The following NTM variants were observed in gnomAD, a reference collection of about 807,000 sequenced individuals.
NTM encodes neurotrimin.
NTM carries 13 observed loss-of-function variants against 42.1 expected under a neutral mutation model. That is an observed-to-expected ratio of 0.31 (90% confidence interval 0.20 to 0.49). The LOEUF is 0.49. Ranked by LOEUF, NTM falls within the 20% of genes least tolerant of loss-of-function variation. The pLI is 0.99. For synonymous variants in NTM, 187 were observed against 179.2 expected (o/e 1.04, Z -0.35); for missense variants, 373 against 452.8 (o/e 0.82, Z 1.60).
At chr11:131,661,083 G>T (rs769159261) in intron 1 of NTM, 5 of 1,280,958 alleles carry the variant, frequency 3.9e-6, no homozygotes, top group Non-Finnish European at 5.2e-6. Flanking sequence ...CTTTTGCACA[G>T]ACTGGTGGGG....
chr11:131,524,655 G>A (rs180721722), intron 1 of NTM, among the ~76,000 whole-genome samples: 28 of 152,366 alleles, frequency 1.8e-4, no homozygotes, highest in Admixed American at 8.5e-4. Flanking sequence ...GCCTGAGTCT[G>A]AGACTGGGTT....
rs374535503 is a variant in NTM at position 131,607,640 on chromosome 11, G to T, written c.82+236752G>T. On this transcript the variant is annotated intron_variant, in intron 1 of 8. Transcript: ENST00000683400. ...CTGTAATGAACACTAGTTGCAAAATGCTAGACCAGCTGTGTGAACCCTCCA... is the reference window on the plus strand; with the variant it reads ...CTGTAATGAACACTAGTTGCAAAATTCTAGACCAGCTGTGTGAACCCTCCA... 2.0e-3 allele frequency among the ~76,000 whole-genome samples: 304 copies of T among 152,264 alleles called. 1 individual carries two copies. Among genetic ancestry groups the T allele is most frequent in the African/African-American group, 7.0e-3 (292 of 41,548 alleles).
chr11:131,721,608 C>T (rs573929736), intron 1 of NTM, among the ~76,000 whole-genome samples: 1 of 152,230 alleles, frequency 6.6e-6, no homozygotes, highest in East Asian at 1.9e-4. Context: ...TGAATTTGGT[C>T]AAGTTACTTA....
At chr11:131,420,546 T>G (rs1446498595) in intron 1 of NTM, among the ~76,000 whole-genome samples, 1 of 152,206 alleles carries the variant, frequency 6.6e-6, no homozygotes, top group Admixed American at 6.5e-5. Flanking sequence ...ACAGCAATGC[T>G]GAGTACATTG....
At chr11:131,511,284 C>T (rs2048204756) in intron 1 of NTM, among the ~76,000 whole-genome samples, 1 of 152,146 alleles carries the variant, frequency 6.6e-6, no homozygotes, top group African/African-American at 2.4e-5. Flanking sequence ...CCCCTCAGGC[C>T]CCAGCCAGGC....
At chr11:132,160,528 T>A (rs923015090) in intron 3 of NTM, among the ~76,000 whole-genome samples, 7 of 152,142 alleles carry the variant, frequency 4.6e-5, no homozygotes, top group African/African-American at 1.7e-4. Context: ...TCCATGAACA[T>A]CTACTATGAG....
intron 1 of NTM, among the ~76,000 whole-genome samples, chr11:131,866,427 C>T (rs482973): frequency 6.6e-6 from 1 of 152,236 alleles, no homozygotes; most frequent in Non-Finnish European, 1.5e-5. Context: ...GGAACAAACC[C>T]AAGGGCAGGC....
chr11:131,406,259 T>A (rs747953380), intron 1 of NTM, among the ~76,000 whole-genome samples: 12 of 152,218 alleles, frequency 7.9e-5, no homozygotes, highest in African/African-American at 2.9e-4. Flanking sequence ...GATATATGAA[T>A]GTAAGAGCAT....
At chr11:132,040,946 C>CGGTGTTAT (rs1434206297) in intron 2 of NTM, among the ~76,000 whole-genome samples, 1 of 152,148 alleles carries the variant, frequency 6.6e-6, no homozygotes, top group Non-Finnish European at 1.5e-5. Flanking sequence ...GCTAGCTCCA[C>CGGTGTTAT]GGTGTTATGA....
At chr11:132,185,665 G>A (rs775114683) in intron 3 of NTM, among the ~76,000 whole-genome samples, 5 of 151,204 alleles carry the variant, frequency 3.3e-5, no homozygotes, top group Non-Finnish European at 7.3e-5. Flanking sequence ...GAAAAAGAGT[G>A]TCTGGTCATT....
chr11:131,839,193 C>G (rs1351143126), intron 1 of NTM, among the ~76,000 whole-genome samples: 2 of 152,202 alleles, frequency 1.3e-5, no homozygotes, highest in Non-Finnish European at 2.9e-5. Context: ...AACTCCTGAC[C>G]TCAGGTGATC....
intron 4 of NTM, among the ~76,000 whole-genome samples, chr11:132,227,511 A>G (rs1017203380): frequency 3.3e-5 from 5 of 152,034 alleles, no homozygotes; most frequent in Non-Finnish European, 5.9e-5. Flanking sequence ...CTAAAGTCCA[A>G]TCTGCAGCCT....
intron 2 of NTM, among the ~76,000 whole-genome samples, chr11:132,068,438 G>A (rs577614876): frequency 3.9e-5 from 6 of 152,056 alleles, no homozygotes; most frequent in Non-Finnish European, 7.4e-5. Flanking sequence ...AACAAAAATT[G>A]CCTTTCTTCT....
chr11:131,730,227 C>G (rs1484831580), intron 1 of NTM, among the ~76,000 whole-genome samples: 1 of 152,092 alleles, frequency 6.6e-6, no homozygotes, highest in East Asian at 1.9e-4. Flanking sequence ...CAGCCATTTG[C>G]ATATCTTTAG....
chr11:131,735,885 T>C (rs899669186), intron 1 of NTM, among the ~76,000 whole-genome samples: 9 of 151,320 alleles, frequency 5.9e-5, no homozygotes, highest in Non-Finnish European at 1.3e-4. Flanking sequence ...TATAAAAAAA[T>C]ATATGGAGTC....
At chr11:131,387,347 C>A (rs558494027) in intron 1 of NTM, among the ~76,000 whole-genome samples, 1 of 152,076 alleles carries the variant, frequency 6.6e-6, no homozygotes, top group Non-Finnish European at 1.5e-5. Context: ...CCCAGCACTC[C>A]CCTCTTCACT....
chr11:132,070,389 A>C (rs1453515849), intron 2 of NTM, among the ~76,000 whole-genome samples: 2 of 143,690 alleles, frequency 1.4e-5, no homozygotes, highest in Non-Finnish European at 3.1e-5. Context: ...AACACGTCAC[A>C]CAGCCAAGTA....
intron 1 of NTM, among the ~76,000 whole-genome samples, chr11:131,476,923 T>C (rs905103155): frequency 6.6e-5 from 10 of 152,184 alleles, no homozygotes; most frequent in Admixed American, 3.3e-4. Flanking sequence ...TAATTAGGAA[T>C]GTCTTTCCTC....
intron 2 of NTM, among the ~76,000 whole-genome samples, chr11:131,940,911 T>C (rs2059723302): frequency 6.6e-6 from 1 of 152,254 alleles, no homozygotes; most frequent in Non-Finnish European, 1.5e-5. Flanking sequence ...ACAGTGTCTT[T>C]AAATAGCATT....
Sources: gnomAD v4.1 joint callset for allele counts (sites outside exome capture counted in the v4.1 genomes callset) on GRCh38, gnomAD v4.1.1 for gene constraint, MANE v1.5 for transcripts, NCBI Gene and HGNC (gene_info 2026-07-23, HGNC 2026-07-21) for gene names.